The following PRKCQ variants were observed in gnomAD, a reference collection of about 807,000 sequenced individuals.
The protein encoded by PRKCQ is protein kinase C theta, also known as protein kinase C theta type.
Under a neutral mutation model 91.2 loss-of-function variants are expected in PRKCQ, and 41 were observed. The ratio of observed to expected loss-of-function variants is 0.45; its 90% CI spans 0.35 to 0.58. PRKCQ has a LOEUF of 0.58. PRKCQ is among the 20% of genes least tolerant of loss of function. The pLI is 0.00. For synonymous variants in PRKCQ, 307 were observed against 316.9 expected (o/e 0.97, Z 0.33); for missense variants, 673 against 896.5 (o/e 0.75, Z 3.18).
intron 15 of PRKCQ, among the ~76,000 whole-genome samples, chr10:6,447,624 T>A (rs1834389647): frequency 6.6e-6 from 1 of 152,176 alleles, no homozygotes; most frequent in East Asian, 1.9e-4. Flanking sequence ...GTTTTTCATG[T>A]GTAGCTCCTG....
At chr10:6,439,790 G>A (rs978788559) in intron 16 of PRKCQ, among the ~76,000 whole-genome samples, 1 of 152,118 alleles carries the variant, frequency 6.6e-6, no homozygotes, top group African/African-American at 2.4e-5. Flanking sequence ...AAGGCTTCTG[G>A]TCAACAGTAG....
chr10:6,432,538 G>T (rs1193561233), intron 16 of PRKCQ, among the ~76,000 whole-genome samples: 1 of 152,038 alleles, frequency 6.6e-6, no homozygotes, highest in Non-Finnish European at 1.5e-5. Flanking sequence ...GGGAAACTTG[G>T]GGTTCCAAAG....
intron 12 of PRKCQ, among the ~76,000 whole-genome samples, chr10:6,466,552 T>C (rs1281845966): frequency 6.6e-6 from 1 of 152,250 alleles, no homozygotes; most frequent in Non-Finnish European, 1.5e-5. Context: ...AAATATCTGT[T>C]CTGCTCTGTG....
intron 13 of PRKCQ, 54 bp downstream of exon 13, chr10:6,464,259 A>G (rs1835512448): frequency 1.3e-6 from 2 of 1,509,120 alleles, no homozygotes; most frequent in Non-Finnish European, 9.1e-7. Flanking sequence ...AAAAAAAACC[A>G]GCAAGAACTG....
chr10:6,571,096 C>G (rs1841028268), intron 1 of PRKCQ, among the ~76,000 whole-genome samples: 1 of 151,944 alleles, frequency 6.6e-6, no homozygotes, highest in Non-Finnish European at 1.5e-5. Flanking sequence ...CGTCTGGGAG[C>G]TGGGGAAGAC....
At chr10:6,456,212 C>T (rs553593221) in intron 15 of PRKCQ, among the ~76,000 whole-genome samples, 201 of 152,332 alleles carry the variant, frequency 1.3e-3, no homozygotes, top group African/African-American at 4.7e-3. Flanking sequence ...CTCACAATAA[C>T]ACAATGACAT....
intron 1 of PRKCQ, among the ~76,000 whole-genome samples, chr10:6,552,756 TG>T (rs1440025747): frequency 7.9e-5 from 12 of 152,174 alleles, no homozygotes; most frequent in African/African-American, 2.7e-4. Context: ...TGTGAGTCGC[TG>T]CACCCAACCA....
chr10:6,562,653 G>A (rs1053184920), intron 1 of PRKCQ, among the ~76,000 whole-genome samples: 1 of 152,244 alleles, frequency 6.6e-6, no homozygotes, highest in Non-Finnish European at 1.5e-5. Context: ...TAAGTCAGTA[G>A]ATAAGGTATA....
intron 11 of PRKCQ, 54 bp from the exon 12 acceptor site, chr10:6,479,219 T>C: frequency 3.2e-6 from 5 of 1,586,792 alleles, no homozygotes; most frequent in Non-Finnish European, 4.3e-6. Flanking sequence ...TCCCATTTCT[T>C]AAAAAAGAGA....
chr10:6,418,437 T>C, the PRKCQ span, among the ~76,000 whole-genome samples: 15 of 152,230 alleles, frequency 9.9e-5, no homozygotes, highest in South Asian at 3.1e-3. Context: ...CAAAGTCTGG[T>C]TCCTTCTTTG....
the PRKCQ span, among the ~76,000 whole-genome samples, chr10:6,419,880 G>C: frequency 2.6e-5 from 4 of 151,938 alleles, no homozygotes; most frequent in Admixed American, 6.6e-5. Flanking sequence ...GTAGAGACGG[G>C]GTTTCGCCAT....
chr10:6,561,769 T>A (rs1840641908), intron 1 of PRKCQ, among the ~76,000 whole-genome samples: 1 of 152,210 alleles, frequency 6.6e-6, no homozygotes, highest in Non-Finnish European at 1.5e-5. Flanking sequence ...TCTTAACAGC[T>A]CTTTGCAAGT....
chr10:6,416,675 C>T, the PRKCQ span, among the ~76,000 whole-genome samples: 5 of 152,156 alleles, frequency 3.3e-5, no homozygotes, highest in African/African-American at 9.7e-5. Context: ...TATAAGCATA[C>T]ATGTGCAAAT....
intron 7 of PRKCQ, among the ~76,000 whole-genome samples, chr10:6,492,582 C>T (rs1475854909): frequency 6.6e-6 from 1 of 152,118 alleles, no homozygotes; most frequent in African/African-American, 2.4e-5. Context: ...GAATCAGAGC[C>T]CAGCCATTCT....
intron 8 of PRKCQ, chr10:6,489,609 C>A: frequency 2.5e-6 from 1 of 401,748 alleles, no homozygotes; most frequent in Non-Finnish European, 5.1e-6. Flanking sequence ...GAAAGGAGGA[C>A]GCGGGGGCAT....
intron 2 of PRKCQ, 109 bp downstream of exon 2, chr10:6,514,909 T>C (rs1436849285): frequency 1.5e-5 from 23 of 1,548,274 alleles, no homozygotes; most frequent in Non-Finnish European, 2.0e-5. Flanking sequence ...AATGGCAGGA[T>C]TTGGTTCCAC....
At chr10:6,545,534 G>A (rs2130924023) in intron 1 of PRKCQ, among the ~76,000 whole-genome samples, 1 of 152,326 alleles carries the variant, frequency 6.6e-6, no homozygotes, top group South Asian at 2.1e-4. Flanking sequence ...GTCCCTAGAG[G>A]AGTCACATTC....
chr10:6,561,038 C>CA (rs35347205), intron 1 of PRKCQ, among the ~76,000 whole-genome samples: 126,758 of 141,056 alleles, frequency 0.9, 57,429 homozygotes, highest in East Asian at 0.99. Context: ...GACTCCATTT[C>CA]AAAAAAAAAA....
intron 1 of PRKCQ, among the ~76,000 whole-genome samples, chr10:6,558,367 C>T (rs1020206878): frequency 6.6e-6 from 1 of 152,064 alleles, no homozygotes; most frequent in Non-Finnish European, 1.5e-5. Flanking sequence ...AACAGACATA[C>T]AGTACTATTT....
Sources: allele counts gnomAD v4.1 joint callset (sites outside exome capture counted in the v4.1 genomes callset), GRCh38; gene constraint gnomAD v4.1.1; transcripts MANE v1.5; gene names NCBI Gene and HGNC (gene_info 2026-07-23, HGNC 2026-07-21).